The following MIGA2 variants were observed in gnomAD, a reference collection of about 807,000 sequenced individuals.
The protein encoded by MIGA2 is mitoguardin 2, also known as family with sequence similarity 73, member B.
In MIGA2, 36 loss-of-function variants were observed where a neutral mutation model predicts 69.9. The ratio of observed to expected loss-of-function variants is 0.52; its 90% confidence interval spans 0.39 to 0.68. MIGA2 has a LOEUF of 0.68. Among genes scored for constraint, MIGA2 ranks in the 30% least tolerant of loss-of-function variants. The pLI, the probability that MIGA2 is intolerant of heterozygous loss-of-function variation, is 0.00. For missense variants in MIGA2, 660 were observed against 787.7 expected (o/e 0.84, Z 1.94); for synonymous variants, 333 against 349.2 (o/e 0.95, Z 0.52).
intron 6 of MIGA2, among the ~76,000 whole-genome samples, chr9:129,057,004 A>T (rs1238531329): frequency 6.6e-6 from 1 of 152,004 alleles, no homozygotes; most frequent in Non-Finnish European, 1.5e-5. Flanking sequence ...ACTGCATTCC[A>T]GCCTGGGCAA....
intron 6 of MIGA2, among the ~76,000 whole-genome samples, chr9:129,051,666 G>A (rs1845549833): frequency 6.6e-6 from 1 of 151,308 alleles, no homozygotes; most frequent in Admixed American, 6.6e-5. Context: ...GCGTGATCTC[G>A]GCTCACTGCA....
In MIGA2 at chr9:129,070,369, G is replaced by T; in HGVS notation, c.1698G>T (p.Gly566=). 7 of 1,612,752 alleles carry T rather than the reference G, an allele frequency of 4.3e-6. No individual in the cohort carries two copies. Among genetic ancestry groups the T allele is most frequent in the Non-Finnish European group, 5.9e-6 (7 of 1,179,878 alleles). ...LSRRRSEILL[G]YLGVPAASSA... is the part of the protein sequence containing the mutation. ...GGCGCCGCAGCGAGATATTGCTGGG[G>T]TACCTGGGGGTGCCCGCGGCCAGCA... The change falls in exon 16 of 16, where the codon GGG becomes GGT. Residue 566 remains glycine (G), a synonymous_variant. Coordinates refer to ENST00000684074, the MANE Select transcript of MIGA2 (RefSeq NM_001329990.2).
chr9:129,047,911 T>C (rs1845315963), intron 3 of MIGA2, among the ~76,000 whole-genome samples: 1 of 151,936 alleles, frequency 6.6e-6, no homozygotes, highest in Admixed American at 6.6e-5. Context: ...GTATTTTTTG[T>C]TGAGACAGGG....
At chr9:129,063,446 A>T in intron 10 of MIGA2, 99 bp from the exon 11 acceptor site, 1 of 1,552,848 alleles carries the variant, frequency 6.4e-7, no homozygotes, top group Non-Finnish European at 8.8e-7. Context: ...CCTCTGTGGC[A>T]GGTGGGCCAC....
chr9:129,063,335 T>C lies in MIGA2; in HGVS notation c.1083+19T>C. On this transcript the variant is annotated intron_variant, in intron 10 of 15. Transcript: ENST00000684074. ...CTTCGAGGTGGGTGTGGCCTGGGGG[T>C]TCCTCGGGGGTGGGAGGCAAGGGGT... 6.2e-7 allele frequency: 1 copy of C among 1,613,520 alleles called. No homozygotes were observed. The highest frequency in any genetic ancestry group is 1.1e-5 in the South Asian group (1 of 91,064).
chr9:129,043,127 G>T (rs1182398405), intron 3 of MIGA2, among the ~76,000 whole-genome samples: 1 of 151,868 alleles, frequency 6.6e-6, no homozygotes, highest in Non-Finnish European at 1.5e-5. Flanking sequence ...CCAGGAGGCG[G>T]AGCTTGCAGT....
At chr9:129,042,730 G>T (rs1018731937) in intron 3 of MIGA2, among the ~76,000 whole-genome samples, 1 of 152,138 alleles carries the variant, frequency 6.6e-6, no homozygotes, top group African/African-American at 2.4e-5. Context: ...ATTGGTGGAG[G>T]TGGTTTTGGT....
chr9:129,069,583 C>T lies in MIGA2; in HGVS notation c.1459-266C>T. 1 of 551,906 alleles carries T rather than the reference C, an allele frequency of 1.8e-6. No homozygotes were observed. Among genetic ancestry groups the T allele is most frequent in the Middle Eastern group, 4.9e-4 (1 of 2,060 alleles). The allele number at this position is 551,906 out of a possible 1,614,324, so 34.2% of individuals were successfully genotyped here. A position where few individuals can be genotyped will look rare whatever the true frequency, so the allele number is the denominator to read the frequency against. On this transcript the variant is annotated intron_variant, in intron 14 of 15. Transcript: ENST00000684074. This position sits in a 1 kb window ranked among gnomAD's most constrained non-coding sequence, Gnocchi z 4.9. ...GCCAGGCTCTGTTGCCTAGCTGATACCAGCTGCCGTGGCCACGTGCTCCAG... is the reference window on the plus strand; with the variant it reads ...GCCAGGCTCTGTTGCCTAGCTGATATCAGCTGCCGTGGCCACGTGCTCCAG...
intron 6 of MIGA2, among the ~76,000 whole-genome samples, chr9:129,051,946 C>G (rs1845567668): frequency 6.6e-6 from 1 of 151,974 alleles, no homozygotes; most frequent in Non-Finnish European, 1.5e-5. Flanking sequence ...CTGCCTCAGC[C>G]TCTGGAGTAG....
chr9:129,072,014 C>T lies in MIGA2; in HGVS notation c.*1561C>T, dbSNP rs1049969382. 1 of 152,700 alleles carries T rather than the reference C, an allele frequency of 6.5e-6. No homozygotes were observed. Among genetic ancestry groups the T allele is most frequent in the Non-Finnish European group, 1.5e-5 (1 of 68,058 alleles). 9.5% of individuals were successfully genotyped at this position (152,700 alleles called of 1,614,324 possible). A position where few individuals can be genotyped will look rare whatever the true frequency, so the allele number is the denominator to read the frequency against. On this transcript the variant is annotated 3_prime_UTR_variant, in exon 16 of 16. Transcript: ENST00000684074. ...CTGTAGCAGTCGATTGTCACAGCTT[C>T]GACTTTTGGATGGTAGAGTGTGTGC...
Position 129,069,857 on chromosome 9 carries a change from T to C in MIGA2, c.1467T>C (p.Asp489=), listed in dbSNP as rs1309549063. 1 of 1,613,684 alleles carries C rather than the reference T, an allele frequency of 6.2e-7. No individual in the cohort carries two copies. Among genetic ancestry groups the C allele is most frequent in the African/African-American group, 1.3e-5 (1 of 75,062 alleles). The change falls in exon 15 of 16, where the codon GAT becomes GAC. Residue 489 remains aspartate, a synonymous_variant. Transcript: ENST00000684074. The surrounding 1 kb of genome is among the most constrained non-coding windows in gnomAD (Gnocchi z 4.9). ...CCTTGTGCCCACCGCAGGTGCCTGA[T>C]GGCTTCATCTCCCATTTCTACTCCG... ...KAKRRLLMVP[D]GFISHFYSVS...
In MIGA2 at chr9:129,069,490, G is replaced by A. The variant is rs1846550843; in HGVS notation, c.1459-359G>A. The A allele has an allele frequency of 2.0e-5, 10 of 508,932 alleles. No homozygotes were observed. Among genetic ancestry groups the A allele is most frequent in the South Asian group, 1.7e-4 (8 of 46,530 alleles). 31.5% of individuals were successfully genotyped at this position (508,932 alleles called of 1,614,324 possible). On this transcript the variant is annotated intron_variant, in intron 14 of 15. Coordinates refer to ENST00000684074, the MANE Select transcript of MIGA2 (RefSeq NM_001329990.2). This position sits in a 1 kb window ranked among gnomAD's most constrained non-coding sequence, Gnocchi z 4.9. The stretch of plus-strand genomic sequence containing the variant: ...CTTTCCCCGCCCCAGTCAGGCCCCT[G>A]TAATCTCCGCTCCCAGGCAGCGACT...
chr9:129,067,896 G>A (rs763746025), intron 12 of MIGA2, 25 bp downstream of exon 12: 26 of 1,597,444 alleles, frequency 1.6e-5, no homozygotes, highest in Non-Finnish European at 2.0e-5. Context: ...GCTGAACCCC[G>A]ACATCCCGGG....
intron 11 of MIGA2, among the ~76,000 whole-genome samples, chr9:129,066,656 CAAAAAAA>C (rs34457777): frequency 1.4e-5 from 1 of 71,314 alleles, no homozygotes; most frequent in Non-Finnish European, 2.7e-5. Flanking sequence ...CCTGGGCGAC[CAAAAAAA>C]AAAAAAAAAA....
rs1384718810 is a variant in MIGA2, at chr9:129,071,929, T to C, written c.*1476T>C. 6.5e-6 allele frequency: 1 copy of C among 152,710 alleles called. No individual in the cohort carries two copies. Among genetic ancestry groups the C allele is most frequent in the Non-Finnish European group, 1.5e-5 (1 of 68,050 alleles). 9.5% of individuals were successfully genotyped at this position (152,710 alleles called of 1,614,324 possible). On this transcript the variant is annotated 3_prime_UTR_variant, in exon 16 of 16. Coordinates refer to ENST00000684074, the MANE Select transcript of MIGA2 (RefSeq NM_001329990.2). ...GTGCTGTGAATGTAACAGTGGGCCT[T>C]GGCCCCGCCCACTCTGATTTGCATT...
intron 3 of MIGA2, 62 bp downstream of exon 3, chr9:129,042,576 C>A: frequency 6.8e-7 from 1 of 1,477,970 alleles, no homozygotes; most frequent in Non-Finnish European, 9.1e-7. Context: ...CATATCCCAG[C>A]TGGGTCACTC....
At chr9:129,062,956 A>C (rs939879948) in intron 9 of MIGA2, among the ~76,000 whole-genome samples, 1 of 152,146 alleles carries the variant, frequency 6.6e-6, no homozygotes, top group African/African-American at 2.4e-5. Flanking sequence ...GTCCTTTGCC[A>C]GTGAAGTGTG....
Position 129,069,958 on chromosome 9 carries a change from T to G in MIGA2, c.1568T>G (p.Phe523Cys), listed in dbSNP as rs768218194. 6.2e-7 allele frequency: 1 copy of G among 1,604,362 alleles called. No homozygotes were observed. Among genetic ancestry groups the G allele is most frequent in the South Asian group, 1.1e-5 (1 of 90,070 alleles). ...CCTCAGCTTGCTGAAGTCTGTGCTT[T>G]CTTCAAGGTAAACAGAGAGCAGTTC... Reference protein sequence around the residue: ...PKPQLAEVCAFFKHQIVQYLR... With the variant: ...PKPQLAEVCACFKHQIVQYLR... Residue 523 changes from phenylalanine to cysteine, a missense_variant, in exon 15 of 16, where the codon TTC becomes TGC. Phe to Cys is a radical substitution (Grantham distance 205). This residue lies in a region of MIGA2 where 220 missense variants were observed against 301.7 expected (regional missense o/e 0.73). Transcript: ENST00000684074. The surrounding 1 kb of genome is among the most constrained non-coding windows in gnomAD (Gnocchi z 4.9).
In MIGA2 at chr9:129,071,606, C is replaced by T. The variant is rs1435131233; in HGVS notation, c.*1153C>T. 1 of 152,132 alleles carries T rather than the reference C, an allele frequency of 6.6e-6. No homozygotes were observed. Among genetic ancestry groups the T allele is most frequent in the Non-Finnish European group, 1.5e-5 (1 of 68,018 alleles). The allele number at this position is 152,132 out of a possible 1,614,324, so 9.4% of individuals were successfully genotyped here. Reference sequence around the variant, plus strand: ...CACTCAGGAGGTCAGAGGACTGGCTCCTGTGACCAGGGCCCCTCTCCCCTG... The same window carrying T: ...CACTCAGGAGGTCAGAGGACTGGCTTCTGTGACCAGGGCCCCTCTCCCCTG... On this transcript the variant is annotated 3_prime_UTR_variant, in exon 16 of 16. Coordinates refer to ENST00000684074, the MANE Select transcript of MIGA2 (RefSeq NM_001329990.2).
Sources: gnomAD v4.1 joint callset for allele counts (sites outside exome capture counted in the v4.1 genomes callset) on GRCh38, gnomAD v4.1.1 for gene constraint, gnomAD v4.1.1 regional missense constraint, Gnocchi (gnomAD v3.1) non-coding constraint, MANE v1.5 for transcripts, NCBI Gene and HGNC (gene_info 2026-07-23, HGNC 2026-07-21) for gene names.